Variants in RANBP17 observed in about 807,000 individuals in gnomAD.
RANBP17 encodes ran-binding protein 17.
A neutral mutation model predicts 141.2 loss-of-function variants in RANBP17; 158 were observed. The observed-to-expected ratio is 1.12, with a 90% CI of 0.98 to 1.28. RANBP17 has a LOEUF of 1.28. Among genes scored for constraint, RANBP17 ranks in the 50% most tolerant of loss-of-function variants. The pLI is 0.00. For synonymous variants in RANBP17, 430 were observed against 450.0 expected (o/e 0.96, Z 0.56); for missense variants, 1,438 against 1,290.7 (o/e 1.11, Z -1.75).
At chr5:170,931,784 G>A (rs1424468431) in intron 12 of RANBP17, among the ~76,000 whole-genome samples, 13 of 152,114 alleles carry the variant, frequency 8.5e-5, no homozygotes, top group Non-Finnish European at 5.9e-5. Context: ...TTTGGTACCA[G>A]TACCATGCTG....
intron 25 of RANBP17, among the ~76,000 whole-genome samples, chr5:171,277,228 G>A (rs1767543560): frequency 6.6e-6 from 1 of 151,946 alleles, no homozygotes; most frequent in Non-Finnish European, 1.5e-5. Flanking sequence ...TACAAGTGCA[G>A]CCTTTCTACT....
chr5:171,280,091 G>A (rs1210695611), intron 25 of RANBP17, among the ~76,000 whole-genome samples: 1 of 152,100 alleles, frequency 6.6e-6, no homozygotes, highest in Non-Finnish European at 1.5e-5. Flanking sequence ...TAAAGTAAGA[G>A]TGGGCTTAAT....
chr5:171,166,151 G>A (rs192510612), intron 14 of RANBP17, among the ~76,000 whole-genome samples: 101 of 152,222 alleles, frequency 6.6e-4, no homozygotes, highest in African/African-American at 2.3e-3. Context: ...CTATTATGCA[G>A]GCATATTATG....
At chr5:171,047,071 G>C (rs1161524482) in intron 14 of RANBP17, among the ~76,000 whole-genome samples, 1 of 131,606 alleles carries the variant, frequency 7.6e-6, no homozygotes, top group East Asian at 2.5e-4. Flanking sequence ...AGGCTGGAGT[G>C]CAATGGCACA....
At chr5:171,021,034 C>T (rs1019844238) in intron 14 of RANBP17, among the ~76,000 whole-genome samples, 5 of 152,150 alleles carry the variant, frequency 3.3e-5, no homozygotes, top group Non-Finnish European at 7.3e-5. Flanking sequence ...ACTTATGAAG[C>T]TTAGTTTGGC....
intron 14 of RANBP17, among the ~76,000 whole-genome samples, chr5:170,972,659 G>T (rs1356620058): frequency 1.3e-5 from 2 of 152,044 alleles, no homozygotes; most frequent in Non-Finnish European, 2.9e-5. Flanking sequence ...CAATACTGCA[G>T]TAAATATTCT....
chr5:170,882,678 T>G (rs983754511), intron 3 of RANBP17, among the ~76,000 whole-genome samples: 1 of 152,214 alleles, frequency 6.6e-6, no homozygotes, highest in Non-Finnish European at 1.5e-5. Context: ...TTTTTCAGGA[T>G]GCTATATCAA....
At chr5:170,911,436 CAG>C (rs1771517498) in intron 7 of RANBP17, 1 of 605,540 alleles carries the variant, frequency 1.7e-6, no homozygotes, top group Non-Finnish European at 3.0e-6. Flanking sequence ...TTCAGATAAA[CAG>C]AGTGGGACAG....
chr5:171,092,297 A>G (rs1429911990), intron 14 of RANBP17, among the ~76,000 whole-genome samples: 1 of 152,170 alleles, frequency 6.6e-6, no homozygotes, highest in Non-Finnish European at 1.5e-5. Context: ...TGATACTTCA[A>G]GTTATGTTAC....
rs1223893818 is a variant in RANBP17 at position 171,183,431 on chromosome 5, G to C, written c.2038+1G>C. 1 of 1,603,898 alleles carries C rather than the reference G, an allele frequency of 6.2e-7. No individual in the cohort carries two copies. Among genetic ancestry groups the C allele is most frequent in the Admixed American group, 1.7e-5 (1 of 59,980 alleles). ...ACTCGCCTTCTGATGGTAGATCTGG[G>C]TAAGGTTAAGAATTTAAACTCAATT... On this transcript the variant is annotated splice_donor_variant, in intron 18 of 27. Coordinates refer to ENST00000523189, the MANE Select transcript of RANBP17 (RefSeq NM_022897.5). LOFTEE classifies it high-confidence loss of function.
intron 24 of RANBP17, among the ~76,000 whole-genome samples, chr5:171,262,721 A>G (rs1315101708): frequency 1.3e-5 from 2 of 152,168 alleles, no homozygotes; most frequent in Non-Finnish European, 2.9e-5. Flanking sequence ...TATTAGTGCT[A>G]CAGAACACTG....
chr5:171,119,869 G>A lies in RANBP17; in HGVS notation c.1711-50261G>A, dbSNP rs567721667. Among the ~76,000 whole-genome samples the A allele has an allele frequency of 7.9e-5, 12 of 151,852 alleles. No individual in the cohort carries two copies. The East Asian group carries it at 9.7e-4, about 12-fold the overall frequency. On this transcript the variant is annotated intron_variant, in intron 14 of 27. Coordinates refer to ENST00000523189, the MANE Select transcript of RANBP17 (RefSeq NM_022897.5). ...AGCCTGACCAACATGGAGAAACCCC[G>A]TCTCTACTAAAAATACAAAATTAGC...
chr5:171,275,941 A>G (rs184813712), intron 25 of RANBP17, among the ~76,000 whole-genome samples: 105 of 152,314 alleles, frequency 6.9e-4, no homozygotes, highest in African/African-American at 2.4e-3. Context: ...GGCAGCTGGT[A>G]TATGTAGCCT....
In RANBP17 at chr5:170,916,516, A is replaced by G. The variant is rs1029907503; in HGVS notation, c.886A>G (p.Ser296Gly). 5.1e-6 allele frequency: 8 copies of G among 1,583,538 alleles called. No homozygotes were observed. Among genetic ancestry groups the G allele is most frequent in the African/African-American group, 2.7e-5 (2 of 74,094 alleles). Residue 296 changes from serine (S) to glycine (G), a missense_variant, in exon 9 of 28, where the codon AGT becomes GGT. Physicochemically the swap from Ser to Gly is moderately conservative, Grantham distance 56. Coordinates refer to ENST00000523189, the MANE Select transcript of RANBP17 (RefSeq NM_022897.5). Reference sequence around the variant, plus strand: ...TTCGACAAGAAGGTCCTTATTTAACAGTCCTGAACGTGCCAAGTACCTTGG... The same window carrying G: ...TTCGACAAGAAGGTCCTTATTTAACGGTCCTGAACGTGCCAAGTACCTTGG... ...FASTRRSLFN[S>G]PERAKYLGNL...
intron 18 of RANBP17, among the ~76,000 whole-genome samples, chr5:171,186,526 C>CTTTTTTTTTTGTTTTTTT (rs1761251259): frequency 2.4e-5 from 1 of 41,650 alleles, no homozygotes; most frequent in East Asian, 8.9e-4. Flanking sequence ...GTATGATTTT[C>CTTTTTTTTTTGTTTTTTT]TTTTTTTTTT....
chr5:171,031,827 A>T (rs1781567788), intron 14 of RANBP17, among the ~76,000 whole-genome samples: 7 of 151,968 alleles, frequency 4.6e-5, no homozygotes, highest in Admixed American at 3.3e-4. Context: ...CGTATATCCT[A>T]CTATTATCTC....
chr5:171,132,759 C>G (rs900338896), intron 14 of RANBP17, among the ~76,000 whole-genome samples: 36 of 152,054 alleles, frequency 2.4e-4, no homozygotes, highest in African/African-American at 8.5e-4. Flanking sequence ...TCCTTTCATT[C>G]ACTCTGTACT....
chr5:170,907,550 G>C lies in RANBP17; in HGVS notation c.490-2111G>C, dbSNP rs186629913. On this transcript the variant is annotated intron_variant, in intron 5 of 27. Coordinates refer to ENST00000523189, the MANE Select transcript of RANBP17 (RefSeq NM_022897.5). ...GGACTTAGTGTGTAGAAAGTGCTCA[G>C]TACACCTAAGTTTCTTTCCATATTA... Among the ~76,000 whole-genome samples the C allele has an allele frequency of 5.3e-5, 8 of 152,054 alleles. No individual in the cohort carries two copies. The East Asian group carries it at 1.3e-3, about 26-fold the overall frequency.
At chr5:171,113,833 T>C (rs1755418967) in intron 14 of RANBP17, among the ~76,000 whole-genome samples, 1 of 152,256 alleles carries the variant, frequency 6.6e-6, no homozygotes, top group Admixed American at 6.5e-5. Context: ...TAGAATAATA[T>C]TTACCTTTTT....
Sources: allele counts gnomAD v4.1 joint callset (sites outside exome capture counted in the v4.1 genomes callset), GRCh38; gene constraint gnomAD v4.1.1; transcripts MANE v1.5; gene names NCBI Gene and HGNC (gene_info 2026-07-23, HGNC 2026-07-21).